RALGAPA1: variants seen among roughly 807,000 people sequenced by gnomAD.
The protein encoded by RALGAPA1 is ral GTPase-activating protein subunit alpha-1.
Under a neutral mutation model 269.6 loss-of-function variants are expected in RALGAPA1, and 52 were observed. That is an observed-to-expected ratio of 0.19 (90% CI 0.15 to 0.24). RALGAPA1 has a LOEUF of 0.24. RALGAPA1 is among the 10% of genes least tolerant of loss of function. The pLI is 1.00. For synonymous variants in RALGAPA1, 817 were observed against 1,008.3 expected (o/e 0.81, Z 3.60); for missense variants, 1,917 against 3,013.9 (o/e 0.64, Z 8.52).
chr14:35,759,019 CAA>C (rs1259755112), intron 6 of RALGAPA1, among the ~76,000 whole-genome samples: 1 of 152,040 alleles, frequency 6.6e-6, no homozygotes, highest in Non-Finnish European at 1.5e-5. Context: ...GACTTGAGCC[CAA>C]GAGTTTGAGG....
chr14:35,787,160 A>C (rs1271024014), intron 1 of RALGAPA1, among the ~76,000 whole-genome samples: 11 of 152,218 alleles, frequency 7.2e-5, no homozygotes. Flanking sequence ...TTAGTTACCC[A>C]AAATTTAGCA....
intron 16 of RALGAPA1, chr14:35,716,148 C>T (rs1324549347): frequency 1.9e-5 from 18 of 927,224 alleles, no homozygotes; most frequent in Non-Finnish European, 2.1e-5. Flanking sequence ...AATCCCAGCA[C>T]TTTGGGAGGC....
rs71124709 is a variant in RALGAPA1, at chr14:35,612,541, CT to C, written c.6930-6833del. On this transcript the variant is annotated intron_variant, in intron 35 of 41. Transcript: ENST00000680220. ...GCGAGGTCTTCTTCTTCTTCTTCTT[CT>C]TTTTTTTTTTTTTTGAGACAGAGTC... Among the ~76,000 whole-genome samples, 591 of 139,826 alleles carry C rather than the reference CT, an allele frequency of 4.2e-3. 1 individual carries two copies. The highest frequency in any genetic ancestry group is 5.8e-3 in the African/African-American group (224 of 38,794). The allele number at this position is 139,826 out of a possible 152,430, so 91.7% of individuals were successfully genotyped here. A position where few individuals can be genotyped will look rare whatever the true frequency, so the allele number is the denominator to read the frequency against.
intron 37 of RALGAPA1, among the ~76,000 whole-genome samples, chr14:35,583,950 A>G (rs951282022): frequency 6.6e-6 from 1 of 152,176 alleles, no homozygotes; most frequent in African/African-American, 2.4e-5. Context: ...CTTTCAAGAA[A>G]TGTTAAAACA....
intron 35 of RALGAPA1, among the ~76,000 whole-genome samples, chr14:35,619,638 T>C (rs1316563849): frequency 6.6e-6 from 1 of 151,970 alleles, no homozygotes; most frequent in African/African-American, 2.4e-5. Flanking sequence ...AAGAATCAAA[T>C]AGACACAATA....
chr14:35,689,141 T>C lies in RALGAPA1; in HGVS notation c.3270A>G (p.Glu1090=). 8.1e-7 allele frequency: 1 copy of C among 1,234,734 alleles called. No individual in the cohort carries two copies. The highest frequency in any genetic ancestry group is 1.0e-6 in the Non-Finnish European group (1 of 989,602). The allele number at this position is 1,234,734 out of a possible 1,614,324, so 76.5% of individuals were successfully genotyped here. A position where few individuals can be genotyped will look rare whatever the true frequency, so the allele number is the denominator to read the frequency against. ...VEKLKSVQIN[E]KITVPHVMRA... ...GCATAACATGTGGGACAGTGATTTT[T>C]TCATTAATTTGCACACTCTTAAGCT... Residue 1090 remains glutamate (E), a synonymous_variant, in exon 18 of 42, where the codon GAA becomes GAG. Coordinates refer to ENST00000680220, the MANE Select transcript of RALGAPA1 (RefSeq NM_001346249.2).
At chr14:35,625,914 C>T (rs1270232249) in intron 34 of RALGAPA1, among the ~76,000 whole-genome samples, 1 of 152,108 alleles carries the variant, frequency 6.6e-6, no homozygotes, top group Admixed American at 6.5e-5. Flanking sequence ...TCCATGGGTG[C>T]TAAATATGTA....
At chr14:35,766,053 G>T in intron 4 of RALGAPA1, 1 of 1,346,652 alleles carries the variant, frequency 7.4e-7, no homozygotes. Flanking sequence ...AGGAAGCTCA[G>T]GTGGGAGTGC....
rs560024189 is a variant in RALGAPA1, at chr14:35,734,240, T to C, written c.1587+4273A>G. On this transcript the variant is annotated intron_variant, in intron 12 of 41. Transcript: ENST00000680220. ...ATATGGAACCAAAAAAGGACCCACA[T>C]AGCCAAAGCAAGACTAAGCAAAAAC... is the stretch of plus-strand genomic sequence containing the variant. Among the ~76,000 whole-genome samples the C allele has an allele frequency of 4.6e-5, 7 of 152,198 alleles. No homozygotes were observed. The South Asian group carries it at 1.5e-3, about 32-fold the overall frequency.
At chr14:35,644,036 A>G (rs1042501785) in intron 31 of RALGAPA1, among the ~76,000 whole-genome samples, 6 of 152,216 alleles carry the variant, frequency 3.9e-5, no homozygotes, top group African/African-American at 1.4e-4. Flanking sequence ...CTAAAAACAT[A>G]TAATTGGATT....
chr14:35,765,934 G>C, intron 4 of RALGAPA1: 1 of 1,301,594 alleles, frequency 7.7e-7, no homozygotes. Flanking sequence ...AATGCAGAAG[G>C]CGTATTTGGA....
intron 26 of RALGAPA1, among the ~76,000 whole-genome samples, chr14:35,667,151 C>T (rs2064007777): frequency 6.6e-6 from 1 of 152,088 alleles, no homozygotes; most frequent in Admixed American, 6.6e-5. Flanking sequence ...CCGGTAATTC[C>T]AGCACTTTGG....
At chr14:35,702,626 TCAGAG>T (rs1182468093) in intron 16 of RALGAPA1, among the ~76,000 whole-genome samples, 2 of 151,800 alleles carry the variant, frequency 1.3e-5, no homozygotes, top group African/African-American at 2.4e-5. Context: ...TTAAAATTGG[TCAGAG>T]CAAAGACACA....
intron 13 of RALGAPA1, among the ~76,000 whole-genome samples, chr14:35,726,856 C>A (rs1195829834): frequency 1.3e-5 from 2 of 151,966 alleles, no homozygotes; most frequent in African/African-American, 4.8e-5. Context: ...GTCAGAAAAA[C>A]CGTAGTTCAA....
intron 39 of RALGAPA1, among the ~76,000 whole-genome samples, chr14:35,562,327 C>G (rs1357164327): frequency 3.9e-5 from 6 of 152,298 alleles, no homozygotes; most frequent in Admixed American, 6.5e-5. Context: ...CTTCAGGGCT[C>G]AGCCTCATGC....
At chr14:35,610,746 C>A (rs2059879912) in intron 35 of RALGAPA1, among the ~76,000 whole-genome samples, 1 of 152,060 alleles carries the variant, frequency 6.6e-6, no homozygotes, top group Non-Finnish European at 1.5e-5. Context: ...AAGGAATCCG[C>A]TAAAAAGGCT....
At chr14:35,632,755 T>G (rs2061435098) in intron 33 of RALGAPA1, among the ~76,000 whole-genome samples, 1 of 152,190 alleles carries the variant, frequency 6.6e-6, no homozygotes, top group Admixed American at 6.5e-5. Flanking sequence ...AAATCAGACT[T>G]GTTCAATCCA....
chr14:35,539,786 C>G (rs2053799345), intron 41 of RALGAPA1, 96 bp from the exon 42 acceptor site: 1 of 1,518,680 alleles, frequency 6.6e-7, no homozygotes, highest in African/African-American at 1.4e-5. Flanking sequence ...GGATCCCATC[C>G]CTTAATAAGA....
In RALGAPA1 at chr14:35,544,795, G is replaced by A. The variant is rs535168901; in HGVS notation, c.*23+3713C>T. 3.9e-5 allele frequency among the ~76,000 whole-genome samples: 6 copies of A among 152,220 alleles called. No individual in the cohort carries two copies. The East Asian group carries it at 9.6e-4, about 24-fold the overall frequency. ...GGTATGGTGACTCAAATCTGTAACC[G>A]CAGCAATTTGGGAGGCTGAGGTGGG... On this transcript the variant is annotated intron_variant, in intron 41 of 41. Coordinates refer to ENST00000680220, the MANE Select transcript of RALGAPA1 (RefSeq NM_001346249.2).
Sources: allele counts gnomAD v4.1 joint callset (sites outside exome capture counted in the v4.1 genomes callset), GRCh38; gene constraint gnomAD v4.1.1; transcripts MANE v1.5; gene names NCBI Gene and HGNC (gene_info 2026-07-23, HGNC 2026-07-21).